Variants in PXDN observed in about 807,000 individuals in gnomAD.
PXDN encodes the protein peroxidasin.
A neutral mutation model predicts 140.3 loss-of-function variants in PXDN; 77 were observed. The ratio of observed to expected loss-of-function variants is 0.55; its 90% CI spans 0.46 to 0.66. PXDN has a LOEUF of 0.66. Among genes scored for constraint, PXDN ranks in the 30% least tolerant of loss-of-function variants. The pLI, the probability that PXDN is intolerant of heterozygous loss-of-function variation, is 0.00. For missense variants in PXDN, 1,838 were observed against 2,039.5 expected (o/e 0.90, Z 1.90); for synonymous variants, 911 against 857.4 (o/e 1.06, Z -1.09).
At chr2:1,667,413 T>C (rs1428734486) in intron 9 of PXDN, among the ~76,000 whole-genome samples, 3 of 152,096 alleles carry the variant, frequency 2.0e-5, no homozygotes, top group Non-Finnish European at 4.4e-5. Flanking sequence ...CAAACACTTC[T>C]ACACAAATGA....
chr2:1,652,448 G>A (rs555129775), intron 16 of PXDN, among the ~76,000 whole-genome samples: 55 of 151,888 alleles, frequency 3.6e-4, no homozygotes, highest in Non-Finnish European at 5.6e-4. Flanking sequence ...AGCAGAAAGT[G>A]CCCAATAAAT....
intron 1 of PXDN, among the ~76,000 whole-genome samples, chr2:1,701,798 C>T (rs141943421): frequency 1.3e-5 from 2 of 152,114 alleles, no homozygotes; most frequent in Non-Finnish European, 2.9e-5. Context: ...GAGGCTATGG[C>T]GGTGGTGCCC....
At chr2:1,705,885 C>T (rs1558518052) in intron 1 of PXDN, among the ~76,000 whole-genome samples, 1 of 152,106 alleles carries the variant, frequency 6.6e-6, no homozygotes, top group Admixed American at 6.5e-5. Flanking sequence ...GTGTCACCAG[C>T]CCTTTTGGAG....
In PXDN at chr2:1,680,275, C is replaced by G. The variant is rs183196973; in HGVS notation, c.648G>C (p.Ala216=). The stretch of plus-strand genomic sequence containing the variant: ...GATATTCACAGATGGCCGCTGCCTG[C>G]GCGTTCCCCGACTCCGCGTAGGTTT... The part of the protein sequence containing the change: ...LLKTYAESGN[A]QAAAICEYPR... Residue 216 remains alanine (A), a synonymous_variant, in exon 7 of 23, where the codon GCG becomes GCC. Coordinates refer to ENST00000252804, the MANE Select transcript of PXDN (RefSeq NM_012293.3). The G allele has an allele frequency of 6.2e-7, 1 of 1,613,748 alleles. No homozygotes were observed.
intron 1 of PXDN, among the ~76,000 whole-genome samples, chr2:1,729,570 A>T (rs13414605): frequency 3.0e-5 from 4 of 132,226 alleles, no homozygotes; most frequent in African/African-American, 1.3e-4. Context: ...AGGGTGGGGG[A>T]GGGGGGTGAG....
Position 1,639,558 on chromosome 2 carries a change from G to T in PXDN, c.3953-136C>A, listed in dbSNP as rs1316120661. ...GTGGCACATTTCAGTGAGGCAACCT[G>T]GCAGCTGGTCTGCGGCTCTTACCCT... On this transcript the variant is annotated intron_variant, in intron 19 of 22. Coordinates refer to ENST00000252804, the MANE Select transcript of PXDN (RefSeq NM_012293.3). This position sits in a 1 kb window ranked among gnomAD's most constrained non-coding sequence, Gnocchi z 5.0. 2 of 1,315,314 alleles carry T rather than the reference G, an allele frequency of 1.5e-6. No homozygotes were observed. Among genetic ancestry groups the T allele is most frequent in the African/African-American group, 2.9e-5 (2 of 68,844 alleles). The allele number at this position is 1,315,314 out of a possible 1,614,324, so 81.5% of individuals were successfully genotyped here. A position where few individuals can be genotyped will look rare whatever the true frequency, so the allele number is the denominator to read the frequency against.
chr2:1,726,440 AGG>A (rs1344562645), intron 1 of PXDN, among the ~76,000 whole-genome samples: 16 of 53,838 alleles, frequency 3.0e-4, no homozygotes, highest in East Asian at 6.1e-4. Flanking sequence ...GGGTCGGGGG[AGG>A]GGGGGAGGGA....
At chr2:1,740,886 C>T (rs1327277633) in intron 1 of PXDN, among the ~76,000 whole-genome samples, 1 of 152,174 alleles carries the variant, frequency 6.6e-6, no homozygotes, top group African/African-American at 2.4e-5. Context: ...GGCTGCCATG[C>T]GCCTGCCTGT....
chr2:1,702,272 C>CCCAT (rs1684453626), intron 1 of PXDN, among the ~76,000 whole-genome samples: 1 of 152,178 alleles, frequency 6.6e-6, no homozygotes, highest in Non-Finnish European at 1.5e-5. Context: ...TGGGGTCCTG[C>CCCAT]CCATCCTCTC....
At position 1,643,559 on chromosome 2, in the gene PXDN, G is replaced by C. The variant is rs1393006705; in HGVS notation, c.3761C>G (p.Pro1254Arg). ...RDGDRLWYENPGVFSPAQLTQ... is the reference protein window; with the variant it reads ...RDGDRLWYENRGVFSPAQLTQ... ...CAGCTGGGCCGGGGAGAACACCCCA[G>C]GGTTCTCATACCACAACCTGGATCC... Residue 1254 changes from proline (P) to arginine (R), a missense_variant, in exon 19 of 23, where the codon CCT (proline) becomes CGT (arginine). By Grantham distance (103) the Pro-to-Arg change is moderately radical (BLOSUM62 -2). Around this residue, in one of 5 missense-constraint regions of PXDN, gnomAD observed 850 missense variants for 894.1 expected, o/e 0.95. Coordinates refer to ENST00000252804, the MANE Select transcript of PXDN (RefSeq NM_012293.3). The C allele has an allele frequency of 1.2e-6, 2 of 1,613,872 alleles. No homozygotes were observed. Among genetic ancestry groups the C allele is most frequent in the Admixed American group, 1.7e-5 (1 of 60,024 alleles).
rs1250688432 is a variant in PXDN at position 1,660,739 on chromosome 2, T to G, written c.1837+142A>C. ...GCAGCCCGGCCATGCATCAGGAGAG[T>G]GTCCCCACCTGGGAATCAAGGGTGC... On this transcript the variant is annotated intron_variant, in intron 14 of 22. Transcript: ENST00000252804. This position sits in a 1 kb window ranked among gnomAD's most constrained non-coding sequence, Gnocchi z 4.6. The G allele has an allele frequency of 9.0e-7, 1 of 1,114,374 alleles. No individual in the cohort carries two copies. Among genetic ancestry groups the G allele is most frequent in the Non-Finnish European group, 1.2e-6 (1 of 812,060 alleles). The allele number at this position is 1,114,374 out of a possible 1,614,324, so 69.0% of individuals were successfully genotyped here. A position where few individuals can be genotyped will look rare whatever the true frequency, so the allele number is the denominator to read the frequency against.
At chr2:1,711,792 C>T (rs1684793652) in intron 1 of PXDN, among the ~76,000 whole-genome samples, 2 of 152,232 alleles carry the variant, frequency 1.3e-5, no homozygotes, top group Admixed American at 1.3e-4. Flanking sequence ...CCAGCTCCCA[C>T]TGCATTTGGG....
intron 14 of PXDN, among the ~76,000 whole-genome samples, chr2:1,657,712 C>T (rs1342425758): frequency 6.9e-6 from 1 of 145,716 alleles, no homozygotes; most frequent in Non-Finnish European, 1.5e-5. Flanking sequence ...CCCCTCCTGA[C>T]AAGAACCTGC....
chr2:1,719,823 A>T (rs1478400440), intron 1 of PXDN, among the ~76,000 whole-genome samples: 4 of 141,632 alleles, frequency 2.8e-5, no homozygotes, highest in Non-Finnish European at 6.1e-5. Context: ...GGATGTGTGT[A>T]CATGCGTGCA....
intron 1 of PXDN, among the ~76,000 whole-genome samples, chr2:1,701,612 T>G (rs1684431904): frequency 6.7e-6 from 1 of 149,314 alleles, no homozygotes; most frequent in Non-Finnish European, 1.5e-5. Flanking sequence ...AGGTGCGGAA[T>G]GGGGTGGGGG....
At chr2:1,680,831 C>G (rs1046085626) in intron 6 of PXDN, among the ~76,000 whole-genome samples, 1 of 152,184 alleles carries the variant, frequency 6.6e-6, no homozygotes, top group Non-Finnish European at 1.5e-5. Flanking sequence ...TCCCTCCGGC[C>G]TGAGGCTTCC....
chr2:1,644,365 T>C (rs567247831), intron 18 of PXDN, among the ~76,000 whole-genome samples: 15 of 152,260 alleles, frequency 9.9e-5, no homozygotes, highest in Admixed American at 9.8e-4. Flanking sequence ...GAAATATTCC[T>C]ATAAATGAAG....
At chr2:1,672,805 G>C (rs1286900022) in intron 9 of PXDN, among the ~76,000 whole-genome samples, 1 of 152,236 alleles carries the variant, frequency 6.6e-6, no homozygotes, top group Non-Finnish European at 1.5e-5. Context: ...ATAATGGCCT[G>C]AAATACAAAA....
chr2:1,740,496 G>C (rs532392230), intron 1 of PXDN, among the ~76,000 whole-genome samples: 1 of 152,072 alleles, frequency 6.6e-6, no homozygotes, highest in South Asian at 2.1e-4. Flanking sequence ...GGCCTGGGGG[G>C]CCTGCAGGCG....
Sources: allele counts gnomAD v4.1 joint callset (sites outside exome capture counted in the v4.1 genomes callset), GRCh38; gene constraint gnomAD v4.1.1; regional missense constraint gnomAD v4.1.1; non-coding constraint Gnocchi (gnomAD v3.1); transcripts MANE v1.5; gene names NCBI Gene and HGNC (gene_info 2026-07-23, HGNC 2026-07-21).